PLEKHA7: variants seen among roughly 807,000 people sequenced by gnomAD.
PLEKHA7 encodes the protein pleckstrin homology domain containing A7.
In PLEKHA7, 104 loss-of-function variants were observed where a neutral mutation model predicts 170.0. The observed-to-expected ratio is 0.61, with a 90% CI of 0.52 to 0.72. The LOEUF is 0.72. Ranked by LOEUF, PLEKHA7 falls within the 30% of genes least tolerant of loss-of-function variation. PLEKHA7 has a pLI of 0.00. For missense variants in PLEKHA7, 1,615 were observed against 1,671.7 expected (o/e 0.97, Z 0.59); for synonymous variants, 648 against 660.8 (o/e 0.98, Z 0.30).
chr11:16,926,235 G>A (rs1185123357), intron 3 of PLEKHA7, among the ~76,000 whole-genome samples: 4 of 152,232 alleles, frequency 2.6e-5, no homozygotes, highest in African/African-American at 7.2e-5. Flanking sequence ...GGCACCCAGC[G>A]AAGGAGACCA....
rs150696124 is a variant in PLEKHA7, at chr11:16,840,560, G to GAAAAC, written c.872+982_872+986dup. ...GGGTGACAAAAGCGAGACTCTGTCT[G>GAAAAC]AAAACAAAACAAAACAAAACCAAGA... On this transcript the variant is annotated intron_variant, in intron 9 of 26. Coordinates refer to ENST00000531066, the MANE Select transcript of PLEKHA7 (RefSeq NM_001329630.2). Among the ~76,000 whole-genome samples, 556 of 152,166 alleles carry GAAAAC rather than the reference G, an allele frequency of 3.7e-3. 6 individuals are homozygous for GAAAAC. Among genetic ancestry groups the GAAAAC allele is most frequent in the African/African-American group, 0.013 (528 of 41,512 alleles).
At chr11:16,837,230 C>T (rs1215394657) in intron 9 of PLEKHA7, among the ~76,000 whole-genome samples, 2 of 152,126 alleles carry the variant, frequency 1.3e-5, no homozygotes, top group Admixed American at 6.5e-5. Context: ...CAGAGAAAAA[C>T]TAGGGATGAT....
chr11:16,794,364 A>C, intron 19 of PLEKHA7, 124 bp downstream of exon 19: 1 of 892,326 alleles, frequency 1.1e-6, no homozygotes, highest in Non-Finnish European at 1.9e-6. Context: ...GTGACTAAGG[A>C]CTCCTTTAGG....
chr11:16,840,469 A>C (rs1407347299), intron 9 of PLEKHA7, among the ~76,000 whole-genome samples: 1 of 152,200 alleles, frequency 6.6e-6, no homozygotes, highest in Non-Finnish European at 1.5e-5. Context: ...CTAAGGCAGG[A>C]GAATCGCTTG....
intron 3 of PLEKHA7, among the ~76,000 whole-genome samples, chr11:16,959,783 G>A (rs555912347): frequency 5.9e-5 from 9 of 152,308 alleles, no homozygotes; most frequent in African/African-American, 2.2e-4. Flanking sequence ...TTATCAGTGT[G>A]TGGTTCCTGG....
chr11:16,794,819 G>A lies in PLEKHA7; in HGVS notation c.2518+91C>T, dbSNP rs567819674. ...CCTCGAAGACTCAACCTCCCCAAGG[G>A]CCATCCCACCCACCTGGTTCCCAGC... On this transcript the variant is annotated intron_variant, in intron 18 of 26. Transcript: ENST00000531066. 98 of 1,492,380 alleles carry A rather than the reference G, an allele frequency of 6.6e-5. 1 individual carries two copies. The African/African-American group carries it at 1.2e-3, about 18-fold the overall frequency. 92.4% of individuals were successfully genotyped at this position (1,492,380 alleles called of 1,614,324 possible). A position where few individuals can be genotyped will look rare whatever the true frequency, so the allele number is the denominator to read the frequency against.
intron 9 of PLEKHA7, among the ~76,000 whole-genome samples, chr11:16,828,442 C>T (rs1343431637): frequency 1.3e-5 from 2 of 152,182 alleles, no homozygotes; most frequent in Admixed American, 1.3e-4. Flanking sequence ...GTCAATTAAA[C>T]CTCTTTCCTT....
intron 3 of PLEKHA7, among the ~76,000 whole-genome samples, chr11:16,955,203 A>G (rs2136540980): frequency 6.6e-6 from 1 of 152,314 alleles, no homozygotes; most frequent in East Asian, 1.9e-4. Context: ...CAGCAGGCTA[A>G]CAGGAGAGAC....
At chr11:16,975,868 G>T (rs4757463) in intron 3 of PLEKHA7, among the ~76,000 whole-genome samples, 112,383 of 152,142 alleles carry the variant, frequency 0.74, 41,850 homozygotes, top group East Asian at 0.87. Context: ...TTTGCCATCT[G>T]TAACTCTTCC....
At chr11:16,979,037 T>C (rs532935389) in intron 3 of PLEKHA7, among the ~76,000 whole-genome samples, 9 of 152,200 alleles carry the variant, frequency 5.9e-5, no homozygotes, top group Admixed American at 5.9e-4. Context: ...TTTGTTGTTG[T>C]TGTTGTTGTT....
At chr11:17,011,827 T>C (rs558094021) in intron 3 of PLEKHA7, among the ~76,000 whole-genome samples, 44 of 152,294 alleles carry the variant, frequency 2.9e-4, no homozygotes, top group Non-Finnish European at 5.7e-4. Context: ...ATATCTCAAA[T>C]GTAAGATGGC....
intron 3 of PLEKHA7, among the ~76,000 whole-genome samples, chr11:16,905,421 A>AT (rs1013526686): frequency 2.0e-5 from 3 of 151,872 alleles, no homozygotes; most frequent in South Asian, 4.2e-4. Flanking sequence ...GTATAAAAGA[A>AT]TTTTTTTTTA....
At chr11:16,950,830 A>G (rs1441969024) in intron 3 of PLEKHA7, among the ~76,000 whole-genome samples, 1 of 152,186 alleles carries the variant, frequency 6.6e-6, no homozygotes, top group Non-Finnish European at 1.5e-5. Flanking sequence ...CCTTTATGCT[A>G]TAGATAAAGT....
chr11:17,004,065 T>C (rs1337645995), intron 3 of PLEKHA7, among the ~76,000 whole-genome samples: 2 of 152,192 alleles, frequency 1.3e-5, no homozygotes, highest in Non-Finnish European at 2.9e-5. Context: ...CACATTTCTA[T>C]TTAGAACACA....
chr11:16,801,203 G>T, intron 16 of PLEKHA7, 128 bp from the exon 17 acceptor site: 1 of 779,924 alleles, frequency 1.3e-6, no homozygotes, highest in Non-Finnish European at 2.2e-6. Context: ...GGCAGGCCTG[G>T]TGGGAGAGAG....
At chr11:16,939,216 T>C (rs1860512166) in intron 3 of PLEKHA7, among the ~76,000 whole-genome samples, 1 of 152,072 alleles carries the variant, frequency 6.6e-6, no homozygotes, top group South Asian at 2.1e-4. Flanking sequence ...AGTTCAGGAC[T>C]AGGCTGGCCG....
At position 17,003,037 on chromosome 11, in the gene PLEKHA7, G is replaced by A. The variant is rs148384036; in HGVS notation, c.221+10952C>T. Among the ~76,000 whole-genome samples the A allele has an allele frequency of 3.8e-3, 529 of 137,566 alleles. 4 individuals are homozygous for A. The highest frequency in any genetic ancestry group is 0.014 in the African/African-American group (503 of 36,546). 90.2% of individuals were successfully genotyped at this position (137,566 alleles called of 152,430 possible). A position where few individuals can be genotyped will look rare whatever the true frequency, so the allele number is the denominator to read the frequency against. On this transcript the variant is annotated intron_variant, in intron 3 of 26. Transcript: ENST00000531066. ...GATGGAGTTTCGCTCTTGTTGCCTAGGCTGGCATGCAATGGCGCAATTTCG... is the reference window on the plus strand; with the variant it reads ...GATGGAGTTTCGCTCTTGTTGCCTAAGCTGGCATGCAATGGCGCAATTTCG...
intron 25 of PLEKHA7, among the ~76,000 whole-genome samples, chr11:16,783,358 GGCAGGCCA>G (rs1849177890): frequency 6.6e-6 from 1 of 152,202 alleles, no homozygotes; most frequent in African/African-American, 2.4e-5. Context: ...CCCGAATGCT[GGCAGGCCA>G]TCACTGGAGC....
chr11:16,904,377 A>T (rs1857522132), intron 3 of PLEKHA7, among the ~76,000 whole-genome samples: 2 of 152,312 alleles, frequency 1.3e-5, no homozygotes, highest in South Asian at 4.1e-4. Flanking sequence ...AAAACTGGAA[A>T]CTATGAAGTA....
Sources: gnomAD v4.1 joint callset for allele counts (sites outside exome capture counted in the v4.1 genomes callset) on GRCh38, gnomAD v4.1.1 for gene constraint, MANE v1.5 for transcripts, NCBI Gene and HGNC (gene_info 2026-07-23, HGNC 2026-07-21) for gene names.